DDX10: variants seen among roughly 807,000 people sequenced by gnomAD.
The protein encoded by DDX10 is probable ATP-dependent RNA helicase DDX10.
DDX10 carries 74 observed loss-of-function variants against 104.3 expected under a neutral mutation model. The ratio of observed to expected loss-of-function variants is 0.71; its 90% CI spans 0.59 to 0.86. The LOEUF is 0.86. Among genes scored for constraint, DDX10 ranks in the 40% least tolerant of loss-of-function variants. The pLI is 0.00. For missense variants in DDX10, 952 were observed against 1,040.0 expected, an observed-to-expected ratio of 0.92 and a Z score of 1.16; for synonymous variants, 351 against 353.4, an observed-to-expected ratio of 0.99 and a Z score of 0.08.
At chr11:108,862,107 C>T (rs545673341) in intron 16 of DDX10, among the ~76,000 whole-genome samples, 3 of 152,248 alleles carry the variant, frequency 2.0e-5, no homozygotes, top group East Asian at 1.9e-4. Flanking sequence ...TAACCTTGAC[C>T]GCCTGAGCTC....
chr11:108,665,098 T>A lies in DDX10; in HGVS notation c.-56T>A. On this transcript the variant is annotated 5_prime_UTR_variant, in exon 1 of 18. Coordinates refer to ENST00000322536, the MANE Select transcript of DDX10 (RefSeq NM_004398.4). Reference sequence around the variant, plus strand: ...TTGTCCCATGCTGGTTCCGTGAGTCTGGCCTTAGGTGTCTCGTGTCTGGGG... The same window carrying A: ...TTGTCCCATGCTGGTTCCGTGAGTCAGGCCTTAGGTGTCTCGTGTCTGGGG... 3.3e-6 allele frequency: 5 copies of A among 1,514,820 alleles called. No individual in the cohort carries two copies. Among genetic ancestry groups the A allele is most frequent in the Non-Finnish European group, 4.4e-6 (5 of 1,136,626 alleles). The allele number at this position is 1,514,820 out of a possible 1,614,324, so 93.8% of individuals were successfully genotyped here. A position where few individuals can be genotyped will look rare whatever the true frequency, so the allele number is the denominator to read the frequency against.
intron 15 of DDX10, 92 bp from the exon 16 acceptor site, chr11:108,852,061 G>A (rs12287957): frequency 1.0e-6 from 1 of 993,668 alleles, no homozygotes; most frequent in Non-Finnish European, 1.5e-6. Flanking sequence ...TCATATATTA[G>A]TTAGCTTTAG....
At chr11:108,907,363 T>C (rs1051058634) in intron 16 of DDX10, among the ~76,000 whole-genome samples, 1 of 151,458 alleles carries the variant, frequency 6.6e-6, no homozygotes, top group African/African-American at 2.4e-5. Flanking sequence ...TGAGACGATG[T>C]CTTGCTGTGT....
chr11:108,693,605 G>A lies in DDX10; in HGVS notation c.1223+5G>A. 1.2e-6 allele frequency: 2 copies of A among 1,601,198 alleles called. No homozygotes were observed. Among genetic ancestry groups the A allele is most frequent in the Non-Finnish European group, 1.7e-6 (2 of 1,168,268 alleles). Reference sequence around the variant, plus strand: ...CAGAGCAGGTAGAACTGCCAGGTAGGTGTACTGACTAATTTCTTTTCTTTT... The same window carrying A: ...CAGAGCAGGTAGAACTGCCAGGTAGATGTACTGACTAATTTCTTTTCTTTT... On this transcript the variant is annotated splice_donor_5th_base_variant and intron_variant, in intron 9 of 17. Coordinates refer to ENST00000322536, the MANE Select transcript of DDX10 (RefSeq NM_004398.4).
chr11:108,761,188 C>T (rs2094350409), intron 13 of DDX10, among the ~76,000 whole-genome samples: 1 of 152,074 alleles, frequency 6.6e-6, no homozygotes, highest in South Asian at 2.1e-4. Context: ...ACAGTACAAG[C>T]ATCCATCAAA....
intron 13 of DDX10, among the ~76,000 whole-genome samples, chr11:108,726,910 T>C (rs1348352322): frequency 6.6e-6 from 1 of 152,154 alleles, no homozygotes; most frequent in Non-Finnish European, 1.5e-5. Flanking sequence ...TTGTGACTTG[T>C]GTCAGATGCT....
chr11:108,834,694 A>G (rs1411962873), intron 13 of DDX10, among the ~76,000 whole-genome samples: 1 of 152,072 alleles, frequency 6.6e-6, no homozygotes, highest in Non-Finnish European at 1.5e-5. Context: ...ATGGAGATCC[A>G]AGGTCCTTAA....
chr11:108,808,143 G>A (rs1033997940), intron 13 of DDX10, among the ~76,000 whole-genome samples: 9 of 152,116 alleles, frequency 5.9e-5, no homozygotes, highest in Admixed American at 1.3e-4. Context: ...TTTACAAAAC[G>A]CTTAGTTAAA....
chr11:108,774,934 T>A (rs2094367976), intron 13 of DDX10, among the ~76,000 whole-genome samples: 1 of 152,178 alleles, frequency 6.6e-6, no homozygotes, highest in African/African-American at 2.4e-5. Flanking sequence ...ACATATCAAT[T>A]TATATGACTG....
chr11:108,866,857 G>A (rs1355130535), intron 16 of DDX10, among the ~76,000 whole-genome samples: 2 of 152,118 alleles, frequency 1.3e-5, no homozygotes, highest in African/African-American at 4.8e-5. Flanking sequence ...GTTCTGTAAG[G>A]CAGGTCAGTA....
chr11:108,909,879 A>G (rs1255421650), intron 16 of DDX10, among the ~76,000 whole-genome samples: 1 of 152,184 alleles, frequency 6.6e-6, no homozygotes, highest in East Asian at 1.9e-4. Flanking sequence ...AATAGCATGC[A>G]CGAAGACTTG....
Position 108,841,318 on chromosome 11 carries a change from G to A in DDX10, c.2089G>A (p.Val697Ile). The change falls in exon 15 of 18, where the codon GTT becomes ATT. Residue 697 changes from valine to isoleucine, a missense_variant. Coordinates refer to ENST00000322536, the MANE Select transcript of DDX10 (RefSeq NM_004398.4). Reference sequence around the variant, plus strand: ...CTGACCTTTTTTTTACCTGTAGTTGGTTCAGCAGTGGCCACAAATGCAGAA... The same window carrying A: ...CTGACCTTTTTTTTACCTGTAGTTGATTCAGCAGTGGCCACAAATGCAGAA... ...KITFTDEGEL[V>I]QQWPQMQKSA... 1 of 1,612,252 alleles carries A rather than the reference G, an allele frequency of 6.2e-7. No individual in the cohort carries two copies. Among genetic ancestry groups the A allele is most frequent in the Non-Finnish European group, 8.5e-7 (1 of 1,179,612 alleles).
chr11:108,709,636 A>T (rs988203677), intron 10 of DDX10, among the ~76,000 whole-genome samples: 5 of 152,024 alleles, frequency 3.3e-5, no homozygotes, highest in Admixed American at 2.0e-4. Flanking sequence ...TCCTTCTTTC[A>T]TTTCTAATAA....
intron 13 of DDX10, among the ~76,000 whole-genome samples, chr11:108,802,712 T>C (rs1426988968): frequency 6.6e-6 from 1 of 152,186 alleles, no homozygotes; most frequent in Admixed American, 6.5e-5. Flanking sequence ...GACAGGTGTG[T>C]ACTCTTATTT....
At chr11:108,851,892 T>G (rs1422346283) in intron 15 of DDX10, among the ~76,000 whole-genome samples, 1 of 152,160 alleles carries the variant, frequency 6.6e-6, no homozygotes, top group African/African-American at 2.4e-5. Flanking sequence ...TGTTAGTGTG[T>G]GTTTTATTTG....
chr11:108,756,983 C>G (rs1317217720), intron 13 of DDX10, among the ~76,000 whole-genome samples: 1 of 151,960 alleles, frequency 6.6e-6, no homozygotes, highest in African/African-American at 2.4e-5. Flanking sequence ...CTTTCCTGAC[C>G]TGGGAAAGAT....
At chr11:108,898,091 A>T (rs193203398) in intron 16 of DDX10, among the ~76,000 whole-genome samples, 1 of 152,282 alleles carries the variant, frequency 6.6e-6, no homozygotes, top group African/African-American at 2.4e-5. Context: ...GAAGTCAAGG[A>T]TAACATTTGT....
chr11:108,702,733 G>A (rs1439127385), intron 9 of DDX10, among the ~76,000 whole-genome samples: 1 of 152,170 alleles, frequency 6.6e-6, no homozygotes, highest in Non-Finnish European at 1.5e-5. Context: ...TCTGATATCA[G>A]CTAGACAATC....
chr11:108,736,721 G>A (rs1474423804), intron 13 of DDX10, among the ~76,000 whole-genome samples: 1 of 152,166 alleles, frequency 6.6e-6, no homozygotes, highest in East Asian at 1.9e-4. Flanking sequence ...CTTCTGCCAT[G>A]TGAGGATGCA....
Sources: allele counts gnomAD v4.1 joint callset (sites outside exome capture counted in the v4.1 genomes callset), GRCh38; gene constraint gnomAD v4.1.1; transcripts MANE v1.5; gene names NCBI Gene and HGNC (gene_info 2026-07-23, HGNC 2026-07-21).